The following ATM variants were observed in gnomAD, a reference collection of about 807,000 sequenced individuals.
The protein encoded by ATM is serine-protein kinase ATM.
ATM carries 308 observed loss-of-function variants against 387.0 expected under a neutral mutation model. The observed-to-expected ratio is 0.80, with a 90% CI of 0.73 to 0.87. The LOEUF is 0.87. Among genes scored for constraint, ATM ranks in the 40% least tolerant of loss-of-function variants. The pLI, the probability that ATM is intolerant of heterozygous loss-of-function variation, is 0.00. For missense variants in ATM, 3,312 were observed against 3,560.9 expected (o/e 0.93, Z 1.78); for synonymous variants, 1,156 against 1,187.3 (o/e 0.97, Z 0.54).
rs1385506044 is a variant in ATM, at chr11:108,357,706, G to A, written c.8850+2832G>A. On this transcript the variant is annotated intron_variant, in intron 61 of 62. Coordinates refer to ENST00000675843, the MANE Select transcript of ATM (RefSeq NM_000051.4). ...GCACACTGACACCTCACACGGCAGG[G>A]TACTCCAACAGACCTGCAGCTGAGG... Among the ~76,000 whole-genome samples, 24 of 152,154 alleles carry A rather than the reference G, an allele frequency of 1.6e-4. No individual in the cohort carries two copies. The South Asian group carries it at 4.8e-3, about 30-fold the overall frequency.
chr11:108,320,089 T>C, intron 44 of ATM, 31 bp downstream of exon 44: 1 of 1,456,656 alleles, frequency 6.9e-7, no homozygotes, highest in Non-Finnish European at 9.6e-7. Flanking sequence ...TACTGTATTT[T>C]AACATTTAAT....
rs755074633 is a variant in ATM at position 108,244,100 on chromosome 11, A to G, written c.644A>G (p.Lys215Arg). Residue 215 changes from lysine to arginine, a missense_variant, in exon 6 of 63, where the codon AAG (lysine) becomes AGG (arginine). Around this residue, in one of 4 missense-constraint regions of ATM, gnomAD observed 1,791 missense variants for 1,804.5 expected, o/e 0.99. Coordinates refer to ENST00000675843, the MANE Select transcript of ATM (RefSeq NM_000051.4). ...TCCAAATTTTTGGACTTTTTTTCCA[A>G]GGCTATTCAGTGTGCGAGGTAATCT... ...LNSKFLDFFSKAIQCARQEKS... is the reference protein window; with the variant it reads ...LNSKFLDFFSRAIQCARQEKS... 1 of 1,613,870 alleles carries G rather than the reference A, an allele frequency of 6.2e-7. No individual in the cohort carries two copies. The highest frequency in any genetic ancestry group is 1.7e-5 in the Admixed American group (1 of 59,998).
chr11:108,261,163 G>T (rs1214870412), intron 16 of ATM, among the ~76,000 whole-genome samples: 1 of 152,240 alleles, frequency 6.6e-6, no homozygotes, highest in Non-Finnish European at 1.5e-5. Context: ...GCCTGCCTCT[G>T]TAGGCTCCAC....
chr11:108,245,111 G>A (rs1224424768), intron 7 of ATM, 85 bp downstream of exon 7: 3 of 1,076,262 alleles, frequency 2.8e-6, no homozygotes, highest in African/African-American at 3.1e-5. Context: ...TCTTTAGGAG[G>A]ATATGACTTT....
intron 18 of ATM, among the ~76,000 whole-genome samples, chr11:108,269,134 T>C (rs1290057652): frequency 6.6e-6 from 1 of 152,218 alleles, no homozygotes; most frequent in African/African-American, 2.4e-5. Flanking sequence ...ATGCTCCTTA[T>C]ACTTCAGTGT....
intron 40 of ATM, among the ~76,000 whole-genome samples, chr11:108,314,585 C>T (rs1011760006): frequency 2.6e-5 from 4 of 151,874 alleles, no homozygotes; most frequent in African/African-American, 9.7e-5. Context: ...TACTGTGTTG[C>T]TGATCCAAAT....
intron 26 of ATM, 80 bp downstream of exon 26, chr11:108,284,553 G>A (rs557974976): frequency 5.5e-5 from 86 of 1,551,386 alleles, no homozygotes; most frequent in South Asian, 3.0e-4. Flanking sequence ...CTATTTATTC[G>A]ATTTATTCGT....
chr11:108,309,938 T>C (rs879158231), intron 38 of ATM, among the ~76,000 whole-genome samples: 1 of 152,138 alleles, frequency 6.6e-6, no homozygotes, highest in Non-Finnish European at 1.5e-5. Flanking sequence ...GATTCTCTGA[T>C]AGGTTTGAGG....
chr11:108,248,660 G>A (rs1047620759), intron 8 of ATM, among the ~76,000 whole-genome samples: 13 of 151,958 alleles, frequency 8.6e-5, no homozygotes, highest in East Asian at 1.9e-4. Context: ...AGGCCAAGGC[G>A]GGCAGATCAC....
intron 7 of ATM, 71 bp downstream of exon 7, chr11:108,245,097 G>A: frequency 2.4e-6 from 3 of 1,225,142 alleles, no homozygotes; most frequent in Non-Finnish European, 3.5e-6. Flanking sequence ...TATAAAATTA[G>A]TGTTCTTTAG....
In ATM at chr11:108,352,605, C is replaced by A. The variant is rs138774218; in HGVS notation, c.8672-1161C>A. Among the ~76,000 whole-genome samples the A allele has an allele frequency of 6.0e-3, 909 of 152,268 alleles. 10 individuals are homozygous for A. The highest frequency in any genetic ancestry group is 0.021 in the African/African-American group (861 of 41,540). The stretch of plus-strand genomic sequence containing the variant: ...AATCTACTTATAAAATGGCCATGTA[C>A]TACAAATGTGTATAGCAGCTTTATT... On this transcript the variant is annotated intron_variant, in intron 59 of 62. Coordinates refer to ENST00000675843, the MANE Select transcript of ATM (RefSeq NM_000051.4).
At position 108,267,210 on chromosome 11, in the gene ATM, G is replaced by A. The variant is rs141054982; in HGVS notation, c.2506G>A (p.Glu836Lys). 1 of 1,614,026 alleles carries A rather than the reference G, an allele frequency of 6.2e-7. No individual in the cohort carries two copies. The highest frequency in any genetic ancestry group is 1.3e-5 in the African/African-American group (1 of 74,926). The change falls in exon 17 of 63, where the codon GAA becomes AAA. Residue 836 changes from glutamate (E) to lysine (K), a missense_variant. Glu to Lys is a moderately conservative substitution (Grantham distance 56). Around this residue, in one of 4 missense-constraint regions of ATM, gnomAD observed 1,791 missense variants for 1,804.5 expected, o/e 0.99. Coordinates refer to ENST00000675843, the MANE Select transcript of ATM (RefSeq NM_000051.4). ...AAAGCCATTTGACCGTGGAGAAGTA[G>A]AATCAATGGAAGATGATACTAATGG... ...IKKPFDRGEV[E>K]SMEDDTNGNL...
At chr11:108,332,724 T>G (rs1228903980) in intron 52 of ATM, 38 bp from the exon 53 acceptor site, 1 of 1,597,856 alleles carries the variant, frequency 6.3e-7, no homozygotes. Flanking sequence ...AAATGTTGGG[T>G]AGTTCCTTAT....
At chr11:108,273,564 A>G (rs1255073452) in intron 22 of ATM, among the ~76,000 whole-genome samples, 1 of 148,760 alleles carries the variant, frequency 6.7e-6, no homozygotes, top group Non-Finnish European at 1.5e-5. Flanking sequence ...CTGGTCTTGA[A>G]CTCCTGACCT....
At chr11:108,347,619 C>A (rs1018611383) in intron 59 of ATM, among the ~76,000 whole-genome samples, 1 of 152,038 alleles carries the variant, frequency 6.6e-6, no homozygotes, top group Non-Finnish European at 1.5e-5. Flanking sequence ...ATAATTCAGA[C>A]AGAAGATAGA....
chr11:108,329,482 C>T (rs543902366), intron 49 of ATM, among the ~76,000 whole-genome samples: 6 of 151,924 alleles, frequency 3.9e-5, no homozygotes, highest in Non-Finnish European at 8.8e-5. Flanking sequence ...TCACTGTACT[C>T]CAGCTCACTG....
At chr11:108,265,787 GAAA>G (rs1209525700) in intron 16 of ATM, among the ~76,000 whole-genome samples, 1 of 120,382 alleles carries the variant, frequency 8.3e-6, no homozygotes, top group Non-Finnish European at 1.8e-5. Context: ...AAATTTACAA[GAAA>G]AAAACAAACA....
At chr11:108,242,727 T>C (rs1234668870) in intron 5 of ATM, among the ~76,000 whole-genome samples, 2 of 152,166 alleles carry the variant, frequency 1.3e-5, no homozygotes, top group African/African-American at 4.8e-5. Context: ...TTCTCTGTTA[T>C]AACTCAGTCC....
At chr11:108,234,586 C>A (rs145240646) in intron 4 of ATM, among the ~76,000 whole-genome samples, 2 of 152,272 alleles carry the variant, frequency 1.3e-5, no homozygotes, top group East Asian at 3.9e-4. Flanking sequence ...CCTATAGTCT[C>A]AGCACTTTGG....
Sources: allele counts gnomAD v4.1 joint callset (sites outside exome capture counted in the v4.1 genomes callset), GRCh38; gene constraint gnomAD v4.1.1; regional missense constraint gnomAD v4.1.1; transcripts MANE v1.5; gene names NCBI Gene and HGNC (gene_info 2026-07-23, HGNC 2026-07-21).